GTSF1: variants seen among roughly 807,000 people sequenced by gnomAD.
GTSF1 encodes the protein gametocyte specific factor 1, also known as gametocyte-specific factor 1.
In GTSF1, 11 loss-of-function variants were observed where a neutral mutation model predicts 28.9. The ratio of observed to expected loss-of-function variants is 0.38; its 90% CI spans 0.24 to 0.63. The LOEUF is 0.63. Among genes scored for constraint, GTSF1 ranks in the 30% least tolerant of loss-of-function variants. The probability of loss-of-function intolerance (pLI) is 0.56; values close to 1 mark genes in which losing one functional copy is unlikely to be tolerated. For synonymous variants in GTSF1, 69 were observed against 65.6 expected (o/e 1.05, Z -0.25); for missense variants, 146 against 201.0 (o/e 0.73, Z 1.66).
chr12:54,458,386 T>C (rs1956368591), intron 8 of GTSF1, among the ~76,000 whole-genome samples: 1 of 152,230 alleles, frequency 6.6e-6, no homozygotes, highest in South Asian at 2.1e-4. Flanking sequence ...TTTTATTTTA[T>C]TTTTGAGACA....
At chr12:54,466,328 A>G (rs953609980) in intron 2 of GTSF1, among the ~76,000 whole-genome samples, 29 of 152,262 alleles carry the variant, frequency 1.9e-4, no homozygotes, top group African/African-American at 6.3e-4. Flanking sequence ...GGAGACTGCT[A>G]GGAAAATCAG....
intron 2 of GTSF1, chr12:54,469,102 CG>C (rs1382288248): frequency 1.3e-5 from 2 of 152,252 alleles, no homozygotes; most frequent in Admixed American, 6.5e-5. Context: ...TTTTTTGAGA[CG>C]GAGTCTCGGT....
intron 8 of GTSF1, among the ~76,000 whole-genome samples, chr12:54,457,170 TATCTA>T (rs768367223): frequency 2.4e-4 from 36 of 152,224 alleles, no homozygotes; most frequent in Non-Finnish European, 4.3e-4. Flanking sequence ...TAAGGATTCT[TATCTA>T]ATCTAATTAT....
Position 54,460,532 on chromosome 12 carries a change from A to C in GTSF1, c.393-61T>G, listed in dbSNP as rs1484702668. On this transcript the variant is annotated intron_variant, in intron 6 of 8. Coordinates refer to ENST00000305879, the MANE Select transcript of GTSF1 (RefSeq NM_144594.3). ...AGTATCATTCAAGCAGGCACACGTA[A>C]GATAATCAAAATGTGTTTTTTGTAA... The C allele has an allele frequency of 7.3e-6, 8 of 1,089,618 alleles. No individual in the cohort carries two copies. The East Asian group carries it at 1.7e-4, about 23-fold the overall frequency. The allele number at this position is 1,089,618 out of a possible 1,614,324, so 67.5% of individuals were successfully genotyped here. A position where few individuals can be genotyped will look rare whatever the true frequency, so the allele number is the denominator to read the frequency against.
chr12:54,464,935 GT>G, intron 3 of GTSF1, 131 bp downstream of exon 3: 1 of 562,848 alleles, frequency 1.8e-6, no homozygotes, highest in Non-Finnish European at 3.2e-6. Flanking sequence ...ATAAATGTTG[GT>G]ATTTAAGAGA....
intron 2 of GTSF1, among the ~76,000 whole-genome samples, chr12:54,470,405 A>G (rs1241803706): frequency 1.3e-5 from 2 of 152,182 alleles, no homozygotes; most frequent in East Asian, 3.9e-4. Context: ...TGTGTTCTAG[A>G]TATTTAATAA....
intron 2 of GTSF1, among the ~76,000 whole-genome samples, chr12:54,469,405 G>A (rs1009356270): frequency 4.9e-5 from 7 of 144,128 alleles, no homozygotes; most frequent in Admixed American, 3.5e-4. Flanking sequence ...AGACAGGGTC[G>A]GCCAGGCGTA....
At chr12:54,461,442 G>A (rs539043324) in intron 6 of GTSF1, among the ~76,000 whole-genome samples, 105 of 152,130 alleles carry the variant, frequency 6.9e-4, no homozygotes, top group African/African-American at 2.3e-3. Flanking sequence ...GGAGGCAGAG[G>A]GGGGAGGATC....
intron 5 of GTSF1, 131 bp from the exon 6 acceptor site, chr12:54,462,303 T>C (rs1956434944): frequency 1.5e-6 from 1 of 654,298 alleles, no homozygotes; most frequent in Admixed American, 2.6e-5. Flanking sequence ...TGATCAAGTG[T>C]CCTGCCTAAG....
chr12:54,470,785 G>A (rs1460412855), intron 2 of GTSF1, among the ~76,000 whole-genome samples: 3 of 152,058 alleles, frequency 2.0e-5, no homozygotes, highest in Non-Finnish European at 4.4e-5. Flanking sequence ...AGTCCCTTTT[G>A]GTTCTACACT....
chr12:54,463,755 C>A (rs1407032191), intron 3 of GTSF1, among the ~76,000 whole-genome samples: 2 of 152,152 alleles, frequency 1.3e-5, no homozygotes, highest in East Asian at 3.8e-4. Flanking sequence ...TACAATAGTG[C>A]TGGAAAATAG....
At chr12:54,464,048 G>T (rs1400543103) in intron 3 of GTSF1, among the ~76,000 whole-genome samples, 1 of 152,124 alleles carries the variant, frequency 6.6e-6, no homozygotes, top group Admixed American at 6.6e-5. Context: ...ATGAAACTCG[G>T]AAAAGTAAAA....
intron 8 of GTSF1, among the ~76,000 whole-genome samples, chr12:54,456,883 G>A (rs928542254): frequency 3.3e-5 from 5 of 152,088 alleles, no homozygotes; most frequent in Admixed American, 2.0e-4. Context: ...TCAGGAGTTC[G>A]AGACTGGCCT....
At chr12:54,469,884 T>A (rs1956573573) in intron 2 of GTSF1, among the ~76,000 whole-genome samples, 1 of 151,514 alleles carries the variant, frequency 6.6e-6, no homozygotes. Flanking sequence ...TAAAAACACT[T>A]TAAGAAGGCT....
At chr12:54,470,030 C>T (rs1042130926) in intron 2 of GTSF1, among the ~76,000 whole-genome samples, 2 of 152,138 alleles carry the variant, frequency 1.3e-5, no homozygotes, top group Non-Finnish European at 2.9e-5. Context: ...CAAAAATTAG[C>T]TGGGCATGGT....
chr12:54,471,788 G>A (rs1050327175), intron 1 of GTSF1: 1 of 152,362 alleles, frequency 6.6e-6, no homozygotes, highest in African/African-American at 2.4e-5. Context: ...GGGAGGCTGA[G>A]GCAGGAGGAT....
At chr12:54,460,497 T>C in intron 6 of GTSF1, 26 bp from the exon 7 acceptor site, 1 of 1,524,014 alleles carries the variant, frequency 6.6e-7, no homozygotes, top group Non-Finnish European at 9.1e-7. Flanking sequence ...TTTGGCTATG[T>C]CGGCAGATCA....
At position 54,472,703 on chromosome 12, in the gene GTSF1, T is replaced by C. The variant is rs563710249; in HGVS notation, c.-30+843A>G. ...CCTCACCACCCCTCCCCCCATTCTG[T>C]GACATAAGCAGCGTTAGAACCTATG... On this transcript the variant is annotated intron_variant, in intron 1 of 8. Coordinates refer to ENST00000305879, the MANE Select transcript of GTSF1 (RefSeq NM_144594.3). The C allele has an allele frequency of 8.5e-5, 13 of 152,224 alleles. No homozygotes were observed. In the South Asian group the frequency reaches 2.5e-3, roughly 29 times the overall value. The allele number at this position is 152,224 out of a possible 1,614,324, so 9.4% of individuals were successfully genotyped here.
At chr12:54,469,379 C>T (rs1565662035) in intron 2 of GTSF1, among the ~76,000 whole-genome samples, 2 of 151,884 alleles carry the variant, frequency 1.3e-5, no homozygotes, top group African/African-American at 4.8e-5. Flanking sequence ...ACCCAGCCTT[C>T]TTTTTTCTTT....
Sources: allele counts gnomAD v4.1 joint callset (sites outside exome capture counted in the v4.1 genomes callset), GRCh38; gene constraint gnomAD v4.1.1; transcripts MANE v1.5; gene names NCBI Gene and HGNC (gene_info 2026-07-23, HGNC 2026-07-21).